The following ARMC9 variants were observed in gnomAD, a reference collection of about 807,000 sequenced individuals.
The protein encoded by ARMC9 is lisH domain-containing protein ARMC9.
Under a neutral mutation model 107.0 loss-of-function variants are expected in ARMC9, and 94 were observed. The ratio of observed to expected loss-of-function variants is 0.88; its 90% CI spans 0.74 to 1.04. The LOEUF is 1.04. Among genes scored for constraint, ARMC9 ranks in the 50% least tolerant of loss-of-function variants. The pLI is 0.00. For missense variants in ARMC9, 942 were observed against 1,030.1 expected (o/e 0.91, Z 1.17); for synonymous variants, 380 against 396.9 (o/e 0.96, Z 0.51).
rs542822266 is a variant in ARMC9, at chr2:231,358,706, A to T, written c.2132-2048A>T. 2.0e-5 allele frequency among the ~76,000 whole-genome samples: 3 copies of T among 152,134 alleles called. No individual in the cohort carries two copies. Among genetic ancestry groups the T allele is most frequent in the Non-Finnish European group, 4.4e-5 (3 of 68,012 alleles). On this transcript the variant is annotated intron_variant, in intron 22 of 24. Transcript: ENST00000611582. The surrounding 1 kb of genome is among the most constrained non-coding windows in gnomAD (Gnocchi z 4.5). ...GCGTTCAGTCAGCACCGCAGGGAAA[A>T]CTCATGAGGAGGAACCTGTTGGACC...
chr2:231,276,921 G>T, intron 15 of ARMC9, 146 bp downstream of exon 15: 1 of 1,226,110 alleles, frequency 8.2e-7, no homozygotes, highest in Non-Finnish European at 1.1e-6. Flanking sequence ...TTTCCAACTA[G>T]GTATCAAGCT....
At chr2:231,301,144 G>A (rs1047687670) in intron 19 of ARMC9, among the ~76,000 whole-genome samples, 13 of 152,320 alleles carry the variant, frequency 8.5e-5, no homozygotes, top group Middle Eastern at 3.4e-3. Context: ...ATAACATAGA[G>A]ATAGAAATAC....
intron 19 of ARMC9, among the ~76,000 whole-genome samples, chr2:231,307,065 T>C (rs546426050): frequency 5.3e-5 from 8 of 152,266 alleles, no homozygotes; most frequent in African/African-American, 1.7e-4. Context: ...GGTTTTCCTT[T>C]CCCTTGCCCT....
intron 19 of ARMC9, among the ~76,000 whole-genome samples, chr2:231,303,935 C>CA (rs1343659736): frequency 4.8e-5 from 7 of 146,808 alleles, no homozygotes; most frequent in Non-Finnish European, 9.0e-5. Flanking sequence ...GACTCAGTCT[C>CA]AAAAAAATAA....
At chr2:231,308,166 G>T (rs145454737) in intron 19 of ARMC9, among the ~76,000 whole-genome samples, 11 of 152,236 alleles carry the variant, frequency 7.2e-5, no homozygotes, top group Non-Finnish European at 8.8e-5. Context: ...ACTGGGGACC[G>T]GAAGAGCTTA....
chr2:231,335,402 G>A (rs1044146179), intron 20 of ARMC9, among the ~76,000 whole-genome samples: 1 of 152,232 alleles, frequency 6.6e-6, no homozygotes, highest in Non-Finnish European at 1.5e-5. Context: ...CCGCCAGAGT[G>A]TTCGGGGATG....
At chr2:231,239,287 C>T (rs1039874719) in intron 8 of ARMC9, among the ~76,000 whole-genome samples, 1 of 152,118 alleles carries the variant, frequency 6.6e-6, no homozygotes, top group Non-Finnish European at 1.5e-5. Context: ...CCTGAATTCT[C>T]GTAGCTGGTG....
intron 19 of ARMC9, among the ~76,000 whole-genome samples, chr2:231,329,144 T>C (rs1283206455): frequency 1.3e-5 from 2 of 151,120 alleles, no homozygotes. Flanking sequence ...TTCTTTGCCC[T>C]TTCCATATAG....
intron 3 of ARMC9, among the ~76,000 whole-genome samples, chr2:231,209,985 T>C (rs1418229026): frequency 6.6e-6 from 1 of 152,226 alleles, no homozygotes; most frequent in East Asian, 1.9e-4. Context: ...CACCTGGCCT[T>C]ATTATTTTAA....
At chr2:231,278,906 A>G (rs2039984643) in intron 16 of ARMC9, among the ~76,000 whole-genome samples, 1 of 152,180 alleles carries the variant, frequency 6.6e-6, no homozygotes, top group African/African-American at 2.4e-5. Flanking sequence ...TGTTTTTAGG[A>G]CCTTTCTATG....
In ARMC9 at chr2:231,284,530, G is replaced by A. The variant is rs984677003; in HGVS notation, c.1626+2397G>A. The stretch of plus-strand genomic sequence containing the variant: ...AGTTTTCTTCTGGCTATTGACTGGG[G>A]ACCTCATTTTCTTCCCCCTTGGGCC... On this transcript the variant is annotated intron_variant, in intron 17 of 24. Transcript: ENST00000611582. 5.3e-5 allele frequency among the ~76,000 whole-genome samples: 8 copies of A among 152,156 alleles called. No homozygotes were observed. In the South Asian group the frequency reaches 8.3e-4, roughly 16 times the overall value.
At chr2:231,232,010 G>A (rs10198572) in intron 7 of ARMC9, among the ~76,000 whole-genome samples, 77,262 of 148,568 alleles carry the variant, frequency 0.52, 23,282 homozygotes, top group African/African-American at 0.84. Flanking sequence ...ATAATAGCAC[G>A]AATTTAACAC....
intron 17 of ARMC9, among the ~76,000 whole-genome samples, chr2:231,289,505 C>T (rs2040841863): frequency 6.6e-6 from 1 of 152,312 alleles, no homozygotes; most frequent in South Asian, 2.1e-4. Flanking sequence ...AGGGGCTTAT[C>T]ACACTGCTTT....
intron 19 of ARMC9, among the ~76,000 whole-genome samples, chr2:231,316,496 A>G (rs1174020340): frequency 2.6e-5 from 4 of 151,906 alleles, no homozygotes; most frequent in Non-Finnish European, 5.9e-5. Context: ...CCCCATCTCT[A>G]CTAAAAATAT....
chr2:231,200,361 A>T (rs2030664743), intron 1 of ARMC9, among the ~76,000 whole-genome samples: 1 of 152,204 alleles, frequency 6.6e-6, no homozygotes, highest in Non-Finnish European at 1.5e-5. Context: ...ATGAAGTTGA[A>T]ATACAGCTCC....
At chr2:231,291,060 G>A (rs563618586) in intron 17 of ARMC9, among the ~76,000 whole-genome samples, 2 of 151,382 alleles carry the variant, frequency 1.3e-5, no homozygotes, top group East Asian at 3.9e-4. Flanking sequence ...TTTAGTATAA[G>A]CCAAGGATTT....
At chr2:231,272,324 G>A (rs1251635918) in intron 13 of ARMC9, among the ~76,000 whole-genome samples, 1 of 150,500 alleles carries the variant, frequency 6.6e-6, no homozygotes. Flanking sequence ...CCCCCAATTA[G>A]CGGGATCAAC....
intron 20 of ARMC9, among the ~76,000 whole-genome samples, chr2:231,339,311 A>C (rs961821324): frequency 6.6e-6 from 1 of 151,444 alleles, no homozygotes; most frequent in East Asian, 1.9e-4. Flanking sequence ...TCTGGGCGAC[A>C]GAGCAAGACT....
At chr2:231,322,712 G>T (rs1198641929) in intron 19 of ARMC9, among the ~76,000 whole-genome samples, 1 of 152,000 alleles carries the variant, frequency 6.6e-6, no homozygotes, top group Non-Finnish European at 1.5e-5. Context: ...TTTTTATGAG[G>T]CATTCTTAAT....
Sources: gnomAD v4.1 joint callset for allele counts (sites outside exome capture counted in the v4.1 genomes callset) on GRCh38, gnomAD v4.1.1 for gene constraint, Gnocchi (gnomAD v3.1) non-coding constraint, MANE v1.5 for transcripts, NCBI Gene and HGNC (gene_info 2026-07-23, HGNC 2026-07-21) for gene names.